ST18: variants seen among roughly 807,000 people sequenced by gnomAD.
ST18 encodes ST18 C2H2C-type zinc finger transcription factor, also known as suppression of tumorigenicity 18 protein.
ST18 carries 50 observed loss-of-function variants against 110.0 expected under a neutral mutation model. That is an observed-to-expected ratio of 0.45 (90% CI 0.36 to 0.58). ST18 has a LOEUF of 0.58. ST18 is among the 20% of genes least tolerant of loss of function. The pLI, the probability that ST18 is intolerant of heterozygous loss-of-function variation, is 0.00. For missense variants in ST18, 1,306 were observed against 1,280.1 expected (o/e 1.02, Z -0.31); for synonymous variants, 461 against 452.4 (o/e 1.02, Z -0.24).
chr8:52,251,011 T>G (rs1159323189), intron 2 of ST18, among the ~76,000 whole-genome samples: 1 of 152,166 alleles, frequency 6.6e-6, no homozygotes, highest in Non-Finnish European at 1.5e-5. Flanking sequence ...AATGAAATCT[T>G]TTCTTCATGT....
At chr8:52,258,153 A>G (rs563718955) in intron 2 of ST18, among the ~76,000 whole-genome samples, 24 of 152,310 alleles carry the variant, frequency 1.6e-4, no homozygotes, top group African/African-American at 5.8e-4. Context: ...TCTTTATGCC[A>G]GTACCACACT....
intron 15 of ST18, among the ~76,000 whole-genome samples, chr8:52,155,091 G>A (rs924001427): frequency 4.1e-5 from 6 of 148,094 alleles, no homozygotes; most frequent in Admixed American, 6.7e-5. Flanking sequence ...AGTCCCAGCT[G>A]CTTGGGAGGC....
chr8:52,163,120 C>T (rs11991557), intron 13 of ST18, among the ~76,000 whole-genome samples: 3,397 of 152,278 alleles, frequency 0.022, 147 homozygotes, highest in African/African-American at 0.076. Flanking sequence ...AACCAAGAAT[C>T]TTACTTTAAG....
At chr8:52,378,089 T>A (rs1267738136) in intron 2 of ST18, among the ~76,000 whole-genome samples, 1 of 152,080 alleles carries the variant, frequency 6.6e-6, no homozygotes, top group African/African-American at 2.4e-5. Flanking sequence ...GAGAATAAAA[T>A]GGTGATTATC....
intron 2 of ST18, among the ~76,000 whole-genome samples, chr8:52,317,752 C>T (rs1026182302): frequency 6.6e-6 from 1 of 152,134 alleles, no homozygotes; most frequent in Non-Finnish European, 1.5e-5. Context: ...CTTTTGCATT[C>T]TAATTTCATG....
chr8:52,136,097 A>T (rs2052142177), intron 19 of ST18, among the ~76,000 whole-genome samples: 1 of 152,234 alleles, frequency 6.6e-6, no homozygotes, highest in Non-Finnish European at 1.5e-5. Flanking sequence ...AAATGAAATC[A>T]CAAAGTAAAA....
At chr8:52,211,131 C>T (rs1039718150) in intron 8 of ST18, among the ~76,000 whole-genome samples, 2 of 152,062 alleles carry the variant, frequency 1.3e-5, no homozygotes, top group African/African-American at 4.8e-5. Context: ...GAAAATGTGT[C>T]GTCTGCATGT....
At chr8:52,143,987 G>GTATC (rs2056292814) in intron 16 of ST18, among the ~76,000 whole-genome samples, 1 of 152,012 alleles carries the variant, frequency 6.6e-6, no homozygotes, top group South Asian at 2.1e-4. Flanking sequence ...TGCTAAATGG[G>GTATC]TATCTTGTAG....
At chr8:52,152,414 T>C (rs2059043453) in intron 15 of ST18, among the ~76,000 whole-genome samples, 1 of 152,206 alleles carries the variant, frequency 6.6e-6, no homozygotes, top group African/African-American at 2.4e-5. Flanking sequence ...TCTAATATTC[T>C]GATTTCTTCA....
intron 2 of ST18, among the ~76,000 whole-genome samples, chr8:52,262,910 C>T (rs768531984): frequency 1.1e-4 from 17 of 152,178 alleles, no homozygotes; most frequent in African/African-American, 3.6e-4. Flanking sequence ...AAGTGACTGT[C>T]TCCCAGAAAA....
chr8:52,356,420 T>G (rs1175803876), intron 2 of ST18, among the ~76,000 whole-genome samples: 2 of 152,110 alleles, frequency 1.3e-5, no homozygotes, highest in Non-Finnish European at 2.9e-5. Context: ...TCAGACTTTA[T>G]AAAAATAGTT....
At chr8:52,376,689 TAAG>T (rs1417551698) in intron 2 of ST18, among the ~76,000 whole-genome samples, 1 of 152,098 alleles carries the variant, frequency 6.6e-6, no homozygotes. Flanking sequence ...TTGTGCATCC[TAAG>T]CACCTAGAAC....
intron 2 of ST18, among the ~76,000 whole-genome samples, chr8:52,239,693 C>T (rs2093177986): frequency 6.6e-6 from 1 of 152,264 alleles, no homozygotes; most frequent in East Asian, 1.9e-4. Context: ...CTTTTAACTC[C>T]CCAACGTGTG....
At chr8:52,229,512 T>C (rs2136841836) in intron 3 of ST18, among the ~76,000 whole-genome samples, 1 of 152,292 alleles carries the variant, frequency 6.6e-6, no homozygotes, top group East Asian at 1.9e-4. Flanking sequence ...GCTTCCTCCA[T>C]TTTCAACACC....
chr8:52,365,024 T>A (rs1231892877), intron 2 of ST18, among the ~76,000 whole-genome samples: 2 of 151,708 alleles, frequency 1.3e-5, no homozygotes, highest in Non-Finnish European at 1.5e-5. Flanking sequence ...AGAGGCAGGA[T>A]AATCGCTTGA....
At chr8:52,260,946 T>C (rs17223118) in intron 2 of ST18, among the ~76,000 whole-genome samples, 99 of 152,192 alleles carry the variant, frequency 6.5e-4, no homozygotes, top group Non-Finnish European at 1.1e-3. Flanking sequence ...TAAATGTGTT[T>C]GAAATAAGTG....
intron 15 of ST18, among the ~76,000 whole-genome samples, chr8:52,156,141 A>G (rs2059960990): frequency 6.6e-6 from 1 of 152,196 alleles, no homozygotes; most frequent in African/African-American, 2.4e-5. Context: ...CATGCAAGGC[A>G]GGGACAGCTC....
intron 2 of ST18, among the ~76,000 whole-genome samples, chr8:52,317,056 C>A (rs2096043113): frequency 6.6e-6 from 1 of 152,198 alleles, no homozygotes; most frequent in East Asian, 1.9e-4. Flanking sequence ...CAATTAATCT[C>A]ACGTAGCGAG....
At chr8:52,190,719 G>A (rs1053285069) in intron 8 of ST18, among the ~76,000 whole-genome samples, 1 of 152,178 alleles carries the variant, frequency 6.6e-6, no homozygotes, top group East Asian at 1.9e-4. Context: ...ATAGTTTGAA[G>A]GGACCCGGAG....
Sources: gnomAD v4.1 joint callset for allele counts (sites outside exome capture counted in the v4.1 genomes callset) on GRCh38, gnomAD v4.1.1 for gene constraint, MANE v1.5 for transcripts, NCBI Gene and HGNC (gene_info 2026-07-23, HGNC 2026-07-21) for gene names.